The following GALNTL6 variants were observed in gnomAD, a reference collection of about 807,000 sequenced individuals.
GALNTL6 encodes polypeptide N-acetylgalactosaminyltransferase like 6, also known as polypeptide N-acetylgalactosaminyltransferase-like 6.
Under a neutral mutation model 73.7 loss-of-function variants are expected in GALNTL6, and 46 were observed. That is an observed-to-expected ratio of 0.62 (90% CI 0.49 to 0.80). The LOEUF is 0.80. GALNTL6 is among the 30% of genes least tolerant of loss of function. The probability of loss-of-function intolerance (pLI) is 0.00; values close to 1 mark genes in which losing one functional copy is unlikely to be tolerated. For missense variants in GALNTL6, 604 were observed against 755.0 expected (o/e 0.80, Z 2.34); for synonymous variants, 259 against 263.7 (o/e 0.98, Z 0.17).
At chr4:172,628,758 G>A (rs560605392) in intron 5 of GALNTL6, among the ~76,000 whole-genome samples, 89 of 152,070 alleles carry the variant, frequency 5.9e-4, no homozygotes, top group African/African-American at 2.0e-3. Flanking sequence ...TGAAGTTTTT[G>A]GAATGCTAGT....
intron 5 of GALNTL6, among the ~76,000 whole-genome samples, chr4:172,462,292 G>T (rs1042595495): frequency 2.0e-5 from 3 of 152,066 alleles, no homozygotes; most frequent in African/African-American, 4.8e-5. Context: ...ATTCTGTTCT[G>T]CTGGTTTTGT....
At chr4:172,846,246 C>T (rs928325624) in intron 7 of GALNTL6, among the ~76,000 whole-genome samples, 2 of 151,928 alleles carry the variant, frequency 1.3e-5, no homozygotes, top group African/African-American at 4.8e-5. Context: ...CTACCAGAAG[C>T]CTATTTAACC....
At chr4:172,005,282 A>T (rs1358630917) in intron 2 of GALNTL6, among the ~76,000 whole-genome samples, 4 of 151,896 alleles carry the variant, frequency 2.6e-5, no homozygotes, top group African/African-American at 9.7e-5. Flanking sequence ...GCACCATCAC[A>T]CCTGGCTAAT....
intron 5 of GALNTL6, among the ~76,000 whole-genome samples, chr4:172,658,482 G>A (rs1423801531): frequency 3.5e-5 from 5 of 143,880 alleles, no homozygotes; most frequent in East Asian, 2.0e-4. Flanking sequence ...AAAAAAAAAA[G>A]AAAGAAAAAG....
chr4:172,730,195 T>G (rs1159393223), intron 5 of GALNTL6, among the ~76,000 whole-genome samples: 2 of 152,208 alleles, frequency 1.3e-5, no homozygotes, highest in Non-Finnish European at 2.9e-5. Context: ...TTAGACTTCC[T>G]CCTTTCCAAT....
At chr4:172,732,533 T>C (rs988480052) in intron 5 of GALNTL6, among the ~76,000 whole-genome samples, 3 of 152,188 alleles carry the variant, frequency 2.0e-5, no homozygotes, top group Non-Finnish European at 4.4e-5. Context: ...TTTAGCGTTA[T>C]TATTGATAAG....
At chr4:172,970,723 C>T (rs531401214) in intron 10 of GALNTL6, among the ~76,000 whole-genome samples, 20 of 152,170 alleles carry the variant, frequency 1.3e-4, no homozygotes, top group Non-Finnish European at 2.4e-4. Context: ...CCTGAGGTGA[C>T]GTACATTCTC....
chr4:172,413,520 T>A (rs1036924826), intron 5 of GALNTL6, among the ~76,000 whole-genome samples: 4 of 152,236 alleles, frequency 2.6e-5, no homozygotes, highest in Non-Finnish European at 5.9e-5. Context: ...GGATCTGTTT[T>A]ACAGCCAAGT....
At chr4:172,335,490 C>T (rs1458539784) in intron 4 of GALNTL6, among the ~76,000 whole-genome samples, 1 of 152,172 alleles carries the variant, frequency 6.6e-6, no homozygotes, top group Non-Finnish European at 1.5e-5. Flanking sequence ...CCCTCTTCCT[C>T]AATTTTTTGG....
intron 3 of GALNTL6, 132 bp downstream of exon 3, chr4:172,229,896 C>T: frequency 1.7e-6 from 1 of 596,034 alleles, no homozygotes; most frequent in South Asian, 2.2e-5. Flanking sequence ...GGAGGTGATA[C>T]TGGACAGAAC....
At chr4:172,337,933 C>A (rs1452841287) in intron 4 of GALNTL6, among the ~76,000 whole-genome samples, 1 of 151,856 alleles carries the variant, frequency 6.6e-6, no homozygotes, top group Non-Finnish European at 1.5e-5. Context: ...GATTGCTTTA[C>A]ATAATCCCAT....
At chr4:172,210,469 C>T (rs1039537444) in intron 2 of GALNTL6, among the ~76,000 whole-genome samples, 3 of 152,076 alleles carry the variant, frequency 2.0e-5, no homozygotes, top group African/African-American at 7.2e-5. Context: ...ATGACCTTGA[C>T]ATGTTTTAGG....
At chr4:171,821,254 C>A (rs1405188906) in intron 2 of GALNTL6, among the ~76,000 whole-genome samples, 8 of 152,074 alleles carry the variant, frequency 5.3e-5, no homozygotes, top group Non-Finnish European at 1.5e-5. Flanking sequence ...GTTACCCAGG[C>A]TGGTCTCAAC....
chr4:172,273,991 A>G (rs1738747659), intron 3 of GALNTL6, among the ~76,000 whole-genome samples: 1 of 152,202 alleles, frequency 6.6e-6, no homozygotes, highest in Non-Finnish European at 1.5e-5. Flanking sequence ...AAAATCAAAA[A>G]TGGTCTGAAA....
At chr4:171,865,607 T>C (rs112371690) in intron 2 of GALNTL6, among the ~76,000 whole-genome samples, 2,044 of 152,326 alleles carry the variant, frequency 0.013, 26 homozygotes, top group Middle Eastern at 0.061. Flanking sequence ...GAAAAAAGTT[T>C]TTCTAAATGA....
At chr4:172,848,444 G>A (rs1743629878) in intron 7 of GALNTL6, among the ~76,000 whole-genome samples, 1 of 152,164 alleles carries the variant, frequency 6.6e-6, no homozygotes, top group African/African-American at 2.4e-5. Context: ...TAATGGAGCT[G>A]CTATTATAGC....
At chr4:172,010,078 T>A (rs1740959022) in intron 2 of GALNTL6, among the ~76,000 whole-genome samples, 1 of 152,130 alleles carries the variant, frequency 6.6e-6, no homozygotes, top group Admixed American at 6.6e-5. Flanking sequence ...ACTTCCTACA[T>A]AGTGTATTTT....
intron 5 of GALNTL6, among the ~76,000 whole-genome samples, chr4:172,736,299 T>C (rs1736458345): frequency 6.6e-6 from 1 of 152,224 alleles, no homozygotes; most frequent in Admixed American, 6.5e-5. Flanking sequence ...GACCTCCCCC[T>C]GAGAATACAA....
At chr4:172,698,170 G>C (rs748133081) in intron 5 of GALNTL6, among the ~76,000 whole-genome samples, 1 of 151,938 alleles carries the variant, frequency 6.6e-6, no homozygotes, top group Non-Finnish European at 1.5e-5. Flanking sequence ...CCATTTGGGA[G>C]GAGTTTTTAT....
Sources: allele counts gnomAD v4.1 joint callset (sites outside exome capture counted in the v4.1 genomes callset), GRCh38; gene constraint gnomAD v4.1.1; transcripts MANE v1.5; gene names NCBI Gene and HGNC (gene_info 2026-07-23, HGNC 2026-07-21).